Variants in DRAXIN observed in about 807,000 individuals in gnomAD.
The protein encoded by DRAXIN is dorsal inhibitory axon guidance protein, also known as dorsal repulsive axon guidance protein.
A neutral mutation model predicts 33.9 loss-of-function variants in DRAXIN; 27 were observed. The observed-to-expected ratio is 0.80, with a 90% confidence interval of 0.59 to 1.10. DRAXIN has a LOEUF of 1.10. Among genes scored for constraint, DRAXIN ranks in the 50% least tolerant of loss-of-function variants. The pLI, the probability that DRAXIN is intolerant of heterozygous loss-of-function variation, is 0.00. For missense variants in DRAXIN, 371 were observed against 460.8 expected (o/e 0.81, Z 1.78); for synonymous variants, 178 against 194.0 (o/e 0.92, Z 0.69).
At chr1:11,703,685 C>A (rs1258728171) in intron 1 of DRAXIN, among the ~76,000 whole-genome samples, 1 of 152,208 alleles carries the variant, frequency 6.6e-6, no homozygotes, top group Admixed American at 6.5e-5. Flanking sequence ...GATGCACCCC[C>A]ATGGGTGCTC....
intron 5 of DRAXIN, 67 bp from the exon 6 acceptor site, chr1:11,715,051 AC>A (rs1384062986): frequency 1.1e-5 from 18 of 1,565,260 alleles, no homozygotes; most frequent in Non-Finnish European, 1.5e-5. Flanking sequence ...GTCCAGTGGG[AC>A]CGAGTGCAGG....
chr1:11,700,713 C>A lies in DRAXIN; in HGVS notation c.-10-5536C>A, dbSNP rs542755712. 5.3e-4 allele frequency among the ~76,000 whole-genome samples: 81 copies of A among 152,302 alleles called. 2 individuals are homozygous for A. The South Asian group carries it at 0.017, about 31-fold the overall frequency. On this transcript the variant is annotated intron_variant, in intron 1 of 6. Coordinates refer to ENST00000294485, the MANE Select transcript of DRAXIN (RefSeq NM_198545.4). The stretch of plus-strand genomic sequence containing the variant: ...GAGGCTGATGGGCTCCGGTTCTCCC[C>A]GTGGGGGGTTGCCTGCTTCACATCA...
At chr1:11,719,543 G>A (rs779950756) in intron 6 of DRAXIN, 41 bp from the exon 7 acceptor site, 2 of 1,539,842 alleles carry the variant, frequency 1.3e-6, no homozygotes, top group South Asian at 2.3e-5. Context: ...GAGGGCACGG[G>A]CCCTTCGCGC....
Position 11,725,001 on chromosome 1 carries a change from T to C in DRAXIN, c.*5305T>C, listed in dbSNP as rs114171954. ...TTCTAAGTCAGAACAAGCAGTCTGA[T>C]ACAGGATCCATGGCTGGGTCACTTC... On this transcript the variant is annotated 3_prime_UTR_variant, in exon 7 of 7. Coordinates refer to ENST00000294485, the MANE Select transcript of DRAXIN (RefSeq NM_198545.4). The C allele has an allele frequency of 6.6e-6, 1 of 152,258 alleles. No individual in the cohort carries two copies. The highest frequency in any genetic ancestry group is 1.5e-5 in the Non-Finnish European group (1 of 68,064). The allele number at this position is 152,258 out of a possible 1,614,324, so 9.4% of individuals were successfully genotyped here.
chr1:11,703,350 G>A (rs1435385487), intron 1 of DRAXIN, among the ~76,000 whole-genome samples: 2 of 152,208 alleles, frequency 1.3e-5, no homozygotes, highest in African/African-American at 4.8e-5. Flanking sequence ...TGGGCAGGAC[G>A]TGGACGGAGA....
At chr1:11,708,270 G>C (rs371252000) in intron 2 of DRAXIN, among the ~76,000 whole-genome samples, 9 of 152,188 alleles carry the variant, frequency 5.9e-5, no homozygotes, top group African/African-American at 2.2e-4. Context: ...GGTGGGGAAC[G>C]GAGAAGGTTT....
Position 11,719,838 on chromosome 1 carries a change from G to A in DRAXIN, c.*142G>A, listed in dbSNP as rs771070312. ...CCCAGGACACTCAACCCCAGGAGGG[G>A]AGCCGCTCGGCGAATGAGCTGGGTG... On this transcript the variant is annotated 3_prime_UTR_variant, in exon 7 of 7. Coordinates refer to ENST00000294485, the MANE Select transcript of DRAXIN (RefSeq NM_198545.4). 122 of 775,364 alleles carry A rather than the reference G, an allele frequency of 1.6e-4. No homozygotes were observed. Among genetic ancestry groups the A allele is most frequent in the Non-Finnish European group, 2.4e-4 (115 of 473,560 alleles). The allele number at this position is 775,364 out of a possible 1,614,324, so 48.0% of individuals were successfully genotyped here.
chr1:11,716,767 G>A (rs1042732787), intron 6 of DRAXIN, among the ~76,000 whole-genome samples: 1 of 152,130 alleles, frequency 6.6e-6, no homozygotes, highest in Admixed American at 6.5e-5. Flanking sequence ...TAACTCCCGG[G>A]CTCAAGGGAT....
rs1318201812 is a variant in DRAXIN at position 11,724,327 on chromosome 1, A to G, written c.*4631A>G. The G allele has an allele frequency of 6.6e-6, 1 of 152,184 alleles. No individual in the cohort carries two copies. The highest frequency in any genetic ancestry group is 6.5e-5 in the Admixed American group (1 of 15,276). 9.4% of individuals were successfully genotyped at this position (152,184 alleles called of 1,614,324 possible). Reference sequence around the variant, plus strand: ...AGTAGCTGCTGGGCCCGTGGCCTGAACCCTCCTGCACTCCTCCAGCTGGAG... The same window carrying G: ...AGTAGCTGCTGGGCCCGTGGCCTGAGCCCTCCTGCACTCCTCCAGCTGGAG... On this transcript the variant is annotated 3_prime_UTR_variant, in exon 7 of 7. Coordinates refer to ENST00000294485, the MANE Select transcript of DRAXIN (RefSeq NM_198545.4).
At chr1:11,695,612 AT>A (rs57024354) in intron 1 of DRAXIN, among the ~76,000 whole-genome samples, 70,352 of 136,842 alleles carry the variant, frequency 0.51, 17,045 homozygotes, top group Admixed American at 0.59. Flanking sequence ...AAAAAAAAAA[AT>A]ATATATATAT....
At chr1:11,691,175 C>T (rs1641056397), upstream of DRAXIN, among the ~76,000 whole-genome samples, 1 of 147,398 alleles carries the variant, frequency 6.8e-6, no homozygotes, top group Non-Finnish European at 1.5e-5. Context: ...CTGGGCATTT[C>T]TTCCGTCCCT....
In DRAXIN at chr1:11,706,201, CAG is replaced by C. The variant is rs1641375935; in HGVS notation, c.-10-41_-10-40del. 2.1e-6 allele frequency: 3 copies of C among 1,443,580 alleles called. No homozygotes were observed. The highest frequency in any genetic ancestry group is 1.8e-6 in the Non-Finnish European group (2 of 1,086,878). The allele number at this position is 1,443,580 out of a possible 1,614,324, so 89.4% of individuals were successfully genotyped here. ...CTTTAATCATTTGAGTGAGGGGCAG[CAG>C]AGAGAGGCCTGGGGCTGCGCATTCA... On this transcript the variant is annotated intron_variant, in intron 1 of 6. Transcript: ENST00000294485. The surrounding 1 kb of genome is among the most constrained non-coding windows in gnomAD (Gnocchi z 5.5).
At chr1:11,714,132 G>T (rs1398846763) in intron 5 of DRAXIN, among the ~76,000 whole-genome samples, 1 of 152,182 alleles carries the variant, frequency 6.6e-6, no homozygotes, top group African/African-American at 2.4e-5. Flanking sequence ...CTGAGCCTCG[G>T]GGGTCAAGGC....
In DRAXIN at chr1:11,719,798, G is replaced by A. The variant is rs1434232427; in HGVS notation, c.*102G>A. 2.8e-6 allele frequency: 3 copies of A among 1,077,302 alleles called. No homozygotes were observed. Among genetic ancestry groups the A allele is most frequent in the Admixed American group, 2.0e-5 (1 of 49,364 alleles). 66.7% of individuals were successfully genotyped at this position (1,077,302 alleles called of 1,614,324 possible). On this transcript the variant is annotated 3_prime_UTR_variant, in exon 7 of 7. Coordinates refer to ENST00000294485, the MANE Select transcript of DRAXIN (RefSeq NM_198545.4). Reference sequence around the variant, plus strand: ...ATCAAGTTGGGGAACAGATGGCTGAGGCTGCAGACTCAGGCCCAGGACACT... The same window carrying A: ...ATCAAGTTGGGGAACAGATGGCTGAAGCTGCAGACTCAGGCCCAGGACACT...
At chr1:11,714,908 C>T (rs1264982848) in intron 5 of DRAXIN, among the ~76,000 whole-genome samples, 5 of 151,426 alleles carry the variant, frequency 3.3e-5, no homozygotes, top group Non-Finnish European at 7.4e-5. Flanking sequence ...CCATCTGAGG[C>T]AGCTGGGGTC....
intron 1 of DRAXIN, among the ~76,000 whole-genome samples, chr1:11,702,222 A>G (rs576775064): frequency 6.6e-6 from 1 of 150,556 alleles, no homozygotes; most frequent in South Asian, 2.1e-4. Flanking sequence ...ACCCATACAT[A>G]TGCTCACAAC....
intron 3 of DRAXIN, 102 bp from the exon 4 acceptor site, chr1:11,711,749 G>C: frequency 9.6e-7 from 1 of 1,037,776 alleles, no homozygotes; most frequent in Non-Finnish European, 1.4e-6. Flanking sequence ...AGGATAAGGT[G>C]GCCTCTGAGA....
intron 1 of DRAXIN, among the ~76,000 whole-genome samples, chr1:11,702,373 CCA>C (rs1257584533): frequency 2.7e-5 from 4 of 149,362 alleles, no homozygotes; most frequent in Admixed American, 6.7e-5. Flanking sequence ...ACCTACACAC[CCA>C]CACATTCACG....
chr1:11,718,273 C>T (rs1184799483), intron 6 of DRAXIN, among the ~76,000 whole-genome samples: 1 of 148,204 alleles, frequency 6.7e-6, no homozygotes, highest in Non-Finnish European at 1.5e-5. Flanking sequence ...CAAGATGGTG[C>T]CGCTGCACTC....
Sources: allele counts gnomAD v4.1 joint callset (sites outside exome capture counted in the v4.1 genomes callset), GRCh38; gene constraint gnomAD v4.1.1; non-coding constraint Gnocchi (gnomAD v3.1); transcripts MANE v1.5; gene names NCBI Gene and HGNC (gene_info 2026-07-23, HGNC 2026-07-21).